The following CCDC171 variants were observed in gnomAD, a reference collection of about 807,000 sequenced individuals.
The protein encoded by CCDC171 is coiled-coil domain containing 171.
A neutral mutation model predicts 168.2 loss-of-function variants in CCDC171; 177 were observed. That is an observed-to-expected ratio of 1.05 (90% CI 0.93 to 1.19). The LOEUF (loss-of-function observed/expected upper bound fraction) is 1.19, where lower values mean the gene tolerates loss of function less well. Among genes scored for constraint, CCDC171 ranks in the 50% most tolerant of loss-of-function variants. The pLI, the probability that CCDC171 is intolerant of heterozygous loss-of-function variation, is 0.00. For missense variants in CCDC171, 1,991 were observed against 1,539.0 expected (o/e 1.29, Z -4.91); for synonymous variants, 687 against 540.8 (o/e 1.27, Z -3.75).
intron 7 of CCDC171, among the ~76,000 whole-genome samples, chr9:15,628,068 C>T (rs552019535): frequency 6.6e-6 from 1 of 152,230 alleles, no homozygotes; most frequent in South Asian, 2.1e-4. Context: ...CGAATAGGAA[C>T]AGCTGCTGTC....
intron 6 of CCDC171, chr9:16,035,437 C>T (rs1484937489): frequency 1.3e-5 from 2 of 152,150 alleles, no homozygotes; most frequent in African/African-American, 4.8e-5. Flanking sequence ...CCCGAGTTCA[C>T]AGATTACTTC....
At chr9:15,576,125 T>A in intron 3 of CCDC171, among the ~76,000 whole-genome samples, 1 of 138,750 alleles carries the variant, frequency 7.2e-6, no homozygotes. Flanking sequence ...ATATATATCA[T>A]ATTTCAGTTG....
At chr9:15,735,201 T>C (rs2054412647) in intron 16 of CCDC171, among the ~76,000 whole-genome samples, 1 of 152,222 alleles carries the variant, frequency 6.6e-6, no homozygotes, top group Non-Finnish European at 1.5e-5. Context: ...AGCATGTCTT[T>C]AGCACTGGGT....
At chr9:15,627,598 G>A (rs276440) in intron 7 of CCDC171, among the ~76,000 whole-genome samples, 3 of 152,160 alleles carry the variant, frequency 2.0e-5, no homozygotes, top group Non-Finnish European at 4.4e-5. Context: ...TCAGGAGCAG[G>A]TTGTTCAGTT....
the CCDC171 span, among the ~76,000 whole-genome samples, chr9:16,083,237 G>A: frequency 2.0e-5 from 3 of 151,924 alleles, no homozygotes; most frequent in African/African-American, 7.3e-5. Context: ...CTTTATCCTC[G>A]CGATAATCCT....
chr9:15,591,600 A>G, intron 5 of CCDC171, 44 bp downstream of exon 5: 1 of 1,083,358 alleles, frequency 9.2e-7, no homozygotes, highest in African/African-American at 1.6e-5. Flanking sequence ...TGTAATATTC[A>G]CCGAGATGTG....
intron 1 of CCDC171, among the ~76,000 whole-genome samples, chr9:16,054,929 C>A (rs998532323): frequency 6.6e-6 from 1 of 152,162 alleles, no homozygotes; most frequent in Non-Finnish European, 1.5e-5. Context: ...GGTGGAACTA[C>A]CTTGGTGAGA....
At chr9:15,623,460 C>G (rs1564072104) in intron 7 of CCDC171, 47 bp downstream of exon 7, 3 of 1,202,896 alleles carry the variant, frequency 2.5e-6, no homozygotes, top group Admixed American at 2.0e-5. Context: ...CAAACTTTCA[C>G]ATATGCGCGC....
chr9:15,949,823 C>A lies in CCDC171; in HGVS notation c.3754-21786C>A, dbSNP rs1828900474. Among the ~76,000 whole-genome samples the A allele has an allele frequency of 2.6e-5, 4 of 152,100 alleles. No homozygotes were observed. In the South Asian group the frequency reaches 8.3e-4, roughly 32 times the overall value. On this transcript the variant is annotated intron_variant, in intron 25 of 25. Transcript: ENST00000380701. ...TCCTTCTCCTGCCTAATTGCCCTGG[C>A]CAGAACTTCTAACACTATGTTGAAT...
chr9:15,625,163 G>C (rs1165759315), intron 7 of CCDC171, among the ~76,000 whole-genome samples: 1 of 152,064 alleles, frequency 6.6e-6, no homozygotes, highest in African/African-American at 2.4e-5. Context: ...TGATGGGGTT[G>C]TTTGATTTTT....
intron 24 of CCDC171, among the ~76,000 whole-genome samples, chr9:15,884,918 G>A (rs1398955575): frequency 6.6e-6 from 1 of 152,148 alleles, no homozygotes; most frequent in African/African-American, 2.4e-5. Context: ...ACTTTTGGAG[G>A]TTTTTGATTG....
At chr9:15,644,769 C>A (rs555972636) in intron 7 of CCDC171, among the ~76,000 whole-genome samples, 1 of 152,200 alleles carries the variant, frequency 6.6e-6, no homozygotes, top group Non-Finnish European at 1.5e-5. Context: ...TGGAGCCCAC[C>A]GCAGCCCAAG....
At chr9:15,943,268 G>C (rs1827927554) in intron 25 of CCDC171, among the ~76,000 whole-genome samples, 1 of 151,850 alleles carries the variant, frequency 6.6e-6, no homozygotes, top group Non-Finnish European at 1.5e-5. Flanking sequence ...ATATTTAAAA[G>C]GAAATGTCAA....
intron 25 of CCDC171, among the ~76,000 whole-genome samples, chr9:15,958,830 T>C (rs1432904094): frequency 6.6e-6 from 1 of 152,060 alleles, no homozygotes; most frequent in Non-Finnish European, 1.5e-5. Context: ...CAAGGGGTCA[T>C]AACAGAAGGT....
chr9:15,641,725 G>A (rs1458804552), intron 7 of CCDC171, among the ~76,000 whole-genome samples: 2 of 152,068 alleles, frequency 1.3e-5, no homozygotes, highest in East Asian at 3.9e-4. Flanking sequence ...ATGATTTAGT[G>A]AGATATAAAT....
At chr9:15,598,404 G>A (rs2042552972) in intron 6 of CCDC171, among the ~76,000 whole-genome samples, 1 of 151,916 alleles carries the variant, frequency 6.6e-6, no homozygotes, top group Non-Finnish European at 1.5e-5. Context: ...ATTTCATTAT[G>A]TACCCAGCAG....
intron 24 of CCDC171, among the ~76,000 whole-genome samples, chr9:15,899,368 C>T (rs1260955188): frequency 6.6e-6 from 1 of 152,110 alleles, no homozygotes; most frequent in African/African-American, 2.4e-5. Context: ...AATGTGATTG[C>T]CTAGCTATAT....
intron 11 of CCDC171, among the ~76,000 whole-genome samples, chr9:15,699,421 C>T (rs1588031245): frequency 6.6e-6 from 1 of 152,038 alleles, no homozygotes. Flanking sequence ...GGAAGGGGAC[C>T]CGAGCGGGTT....
At chr9:15,691,380 T>G (rs2050763635) in intron 10 of CCDC171, among the ~76,000 whole-genome samples, 1 of 151,196 alleles carries the variant, frequency 6.6e-6, no homozygotes. Flanking sequence ...AGATAGATAT[T>G]TCCTATAATT....
Sources: gnomAD v4.1 joint callset for allele counts (sites outside exome capture counted in the v4.1 genomes callset) on GRCh38, gnomAD v4.1.1 for gene constraint, MANE v1.5 for transcripts, NCBI Gene and HGNC (gene_info 2026-07-23, HGNC 2026-07-21) for gene names.